Variants in ATXN7L1 observed in about 807,000 individuals in gnomAD.
ATXN7L1 encodes the protein ataxin-7-like protein 1.
ATXN7L1 carries 15 observed loss-of-function variants against 70.8 expected under a neutral mutation model. That is an observed-to-expected ratio of 0.21 (90% CI 0.14 to 0.33). The LOEUF (loss-of-function observed/expected upper bound fraction) is 0.33. Among genes scored for constraint, ATXN7L1 ranks in the 10% least tolerant of loss-of-function variants. The pLI is 1.00. For missense variants in ATXN7L1, 975 were observed against 1,097.1 expected (o/e 0.89, Z 1.57); for synonymous variants, 440 against 445.1 (o/e 0.99, Z 0.14).
chr7:105,627,871 G>A (rs1795965413), intron 7 of ATXN7L1, among the ~76,000 whole-genome samples: 2 of 119,328 alleles, frequency 1.7e-5, no homozygotes, highest in Admixed American at 9.4e-5. Context: ...TTGAGATGGA[G>A]TCTTGCTCTG....
intron 2 of ATXN7L1, chr7:105,819,514 T>G (rs1262114228): frequency 2.3e-6 from 3 of 1,286,936 alleles, no homozygotes; most frequent in Middle Eastern, 2.0e-4. Flanking sequence ...CAGGTCCTGG[T>G]GCTTGATGGT....
chr7:105,872,890 C>T lies in ATXN7L1; in HGVS notation c.250+2922G>A, dbSNP rs145797640. 8.6e-3 allele frequency among the ~76,000 whole-genome samples: 1,298 copies of T among 151,238 alleles called. 6 individuals carry two copies. Among genetic ancestry groups the T allele is most frequent in the Non-Finnish European group, 0.014 (969 of 67,876 alleles). On this transcript the variant is annotated intron_variant, in intron 2 of 11. Coordinates refer to ENST00000419735, the MANE Select transcript of ATXN7L1 (RefSeq NM_020725.2). ...GAACCACCCGCCGGGCACGGTGGCT[C>T]ATGCCTGTAATCCCAGCACTTTGGG...
chr7:105,815,822 G>C (rs1433754948), intron 2 of ATXN7L1, among the ~76,000 whole-genome samples: 1 of 152,254 alleles, frequency 6.6e-6, no homozygotes, highest in Non-Finnish European at 1.5e-5. Context: ...GCAGGAGGTG[G>C]AAGATTCGGG....
chr7:105,764,930 A>C (rs571896362), intron 3 of ATXN7L1, among the ~76,000 whole-genome samples: 2 of 152,292 alleles, frequency 1.3e-5, no homozygotes, highest in East Asian at 3.9e-4. Flanking sequence ...TTCCACCATG[A>C]ATGAAATGCA....
chr7:105,614,275 T>G lies in ATXN7L1; in HGVS notation c.2059A>C (p.Asn687His), dbSNP rs1401208136. The G allele has an allele frequency of 6.4e-7, 1 of 1,551,756 alleles. No individual in the cohort carries two copies. Among genetic ancestry groups the G allele is most frequent in the South Asian group, 1.2e-5 (1 of 84,062 alleles). ...TAGGGAGGGGCCGCCTGATAGGAGT[T>G]CAAAGCAGAACTGGCATTCAAAACA... is the stretch of plus-strand genomic sequence containing the variant. ...NCVLNASSAL[N>H]SYQAAPPYNS... Residue 687 changes from asparagine (N) to histidine (H), a missense_variant, in exon 10 of 12, where the codon AAC (asparagine) becomes CAC (histidine). Physicochemically the swap from Asn to His is moderately conservative, Grantham distance 68. Around this residue, in one of 5 missense-constraint regions of ATXN7L1, gnomAD observed 635 missense variants for 699.4 expected, o/e 0.91. Coordinates refer to ENST00000419735, the MANE Select transcript of ATXN7L1 (RefSeq NM_020725.2). The surrounding 1 kb of genome is among the most constrained non-coding windows in gnomAD (Gnocchi z 4.3).
chr7:105,787,331 A>G (rs1804453613), intron 3 of ATXN7L1, among the ~76,000 whole-genome samples: 1 of 152,166 alleles, frequency 6.6e-6, no homozygotes, highest in Non-Finnish European at 1.5e-5. Flanking sequence ...GGAGGGGCAG[A>G]AGACTTGGCC....
At chr7:105,758,060 C>A (rs1008309204) in intron 3 of ATXN7L1, among the ~76,000 whole-genome samples, 3 of 151,996 alleles carry the variant, frequency 2.0e-5, no homozygotes, top group Non-Finnish European at 2.9e-5. Context: ...TTTTTCCATC[C>A]TTGTCCCTCT....
chr7:105,745,240 A>C (rs144421638), intron 3 of ATXN7L1, among the ~76,000 whole-genome samples: 1 of 152,106 alleles, frequency 6.6e-6, no homozygotes, highest in Non-Finnish European at 1.5e-5. Flanking sequence ...AAAAATATAA[A>C]TATATATTAA....
chr7:105,718,342 C>T lies in ATXN7L1; in HGVS notation c.356-53054G>A, dbSNP rs642906. Among the ~76,000 whole-genome samples the T allele has an allele frequency of 7.4e-3, 1,130 of 152,236 alleles. 24 individuals carry two copies. Among genetic ancestry groups the T allele is most frequent in the African/African-American group, 0.026 (1,072 of 41,522 alleles). ...AATTGGAGCCAGCAAGTAAGCAGTCCGAATTCCGAGTTCCTGGGTGCCAAC... is the reference window on the plus strand; with the variant it reads ...AATTGGAGCCAGCAAGTAAGCAGTCTGAATTCCGAGTTCCTGGGTGCCAAC... On this transcript the variant is annotated intron_variant, in intron 3 of 11. Transcript: ENST00000419735.
intron 3 of ATXN7L1, among the ~76,000 whole-genome samples, chr7:105,694,880 C>T (rs1254027724): frequency 3.3e-5 from 5 of 152,202 alleles, no homozygotes; most frequent in Non-Finnish European, 5.9e-5. Context: ...CAGCCAGGCA[C>T]GGTGGCTCAC....
chr7:105,707,451 G>A (rs928734424), intron 3 of ATXN7L1, among the ~76,000 whole-genome samples: 5 of 152,160 alleles, frequency 3.3e-5, no homozygotes, highest in African/African-American at 1.2e-4. Flanking sequence ...AAGAATGAGT[G>A]GGGGATGGAG....
At chr7:105,682,405 G>A (rs1218827632) in intron 3 of ATXN7L1, among the ~76,000 whole-genome samples, 1 of 152,040 alleles carries the variant, frequency 6.6e-6, no homozygotes, top group African/African-American at 2.4e-5. Flanking sequence ...ATTACCATAT[G>A]GACCAAAATT....
At chr7:105,851,237 AG>A (rs1814834481) in intron 2 of ATXN7L1, among the ~76,000 whole-genome samples, 1 of 152,158 alleles carries the variant, frequency 6.6e-6, no homozygotes, top group Non-Finnish European at 1.5e-5. Context: ...ATGAGCAAGC[AG>A]AGGAACAGAG....
chr7:105,770,346 C>T (rs1801817141), intron 3 of ATXN7L1, among the ~76,000 whole-genome samples: 1 of 152,238 alleles, frequency 6.6e-6, no homozygotes, highest in Non-Finnish European at 1.5e-5. Flanking sequence ...TAATGCTACC[C>T]TTGAGCTTCA....
In ATXN7L1 at chr7:105,645,674, G is replaced by A. The variant is rs895886370; in HGVS notation, c.579-2553C>T. On this transcript the variant is annotated intron_variant, in intron 4 of 11. Coordinates refer to ENST00000419735, the MANE Select transcript of ATXN7L1 (RefSeq NM_020725.2). ...AAAAAAAAAGAAAAATTAGCCAGGC[G>A]TGGCAGCGGGCGCCTGTAGTCCCAG... 1.2e-4 allele frequency among the ~76,000 whole-genome samples: 18 copies of A among 151,594 alleles called. No individual in the cohort carries two copies. The South Asian group carries it at 1.3e-3, about 11-fold the overall frequency.
chr7:105,757,999 T>G (rs566271615), intron 3 of ATXN7L1, among the ~76,000 whole-genome samples: 1 of 152,138 alleles, frequency 6.6e-6, no homozygotes, highest in Non-Finnish European at 1.5e-5. Context: ...GGTGCTCTTC[T>G]TCCAGGCCCT....
intron 2 of ATXN7L1, among the ~76,000 whole-genome samples, chr7:105,795,900 G>T (rs1432242126): frequency 6.6e-6 from 1 of 152,064 alleles, no homozygotes; most frequent in African/African-American, 2.4e-5. Context: ...TGTCAAGATG[G>T]CATACGCTAT....
chr7:105,865,697 G>A (rs1034492292), intron 2 of ATXN7L1, among the ~76,000 whole-genome samples: 3 of 152,072 alleles, frequency 2.0e-5, no homozygotes, highest in Admixed American at 6.6e-5. Context: ...CACTGCACCC[G>A]GGCCATTTTC....
At chr7:105,758,897 C>G (rs539114562) in intron 3 of ATXN7L1, among the ~76,000 whole-genome samples, 2 of 152,090 alleles carry the variant, frequency 1.3e-5, no homozygotes, top group African/African-American at 4.8e-5. Context: ...TTGGGAGGTA[C>G]GGGGAAGAGA....
Sources: gnomAD v4.1 joint callset for allele counts (sites outside exome capture counted in the v4.1 genomes callset) on GRCh38, gnomAD v4.1.1 for gene constraint, gnomAD v4.1.1 regional missense constraint, Gnocchi (gnomAD v3.1) non-coding constraint, MANE v1.5 for transcripts, NCBI Gene and HGNC (gene_info 2026-07-23, HGNC 2026-07-21) for gene names.